Variants in EFNA5 observed in about 807,000 individuals in gnomAD.
EFNA5 encodes ephrin-A5.
EFNA5 carries 5 observed loss-of-function variants against 22.9 expected under a neutral mutation model. The observed-to-expected ratio is 0.22, with a 90% confidence interval of 0.11 to 0.46. The LOEUF (loss-of-function observed/expected upper bound fraction) is 0.46, where lower values mean the gene tolerates loss of function less well. Among genes scored for constraint, EFNA5 ranks in the 20% least tolerant of loss-of-function variants. The pLI is 0.99. For missense variants in EFNA5, 237 were observed against 293.3 expected (o/e 0.81, Z 1.40); for synonymous variants, 113 against 112.2 (o/e 1.01, Z -0.04).
At chr5:107,505,396 C>A (rs1335452760) in intron 1 of EFNA5, among the ~76,000 whole-genome samples, 2 of 152,156 alleles carry the variant, frequency 1.3e-5, no homozygotes, top group Non-Finnish European at 2.9e-5. Flanking sequence ...TACTGATTCT[C>A]CATGCAACAA....
Position 107,381,317 on chromosome 5 carries a change from T to C in EFNA5, c.625A>G (p.Arg209Gly). The change falls in exon 5 of 5, where the codon AGG (arginine) becomes GGG (glycine). Residue 209 changes from arginine (R) to glycine (G), a missense_variant. By Grantham distance (125) the Arg-to-Gly change is moderately radical. Around this residue, in one of 3 missense-constraint regions of EFNA5, gnomAD observed 104 missense variants for 114.5 expected, o/e 0.91. Coordinates refer to ENST00000333274, the MANE Select transcript of EFNA5 (RefSeq NM_001962.3). ...ATTGCCAAAAGGCGGCTGGGTATCC[T>C]TGGTGTTTGTGCCGCGTTCTCGCCG... Reference protein sequence around the residue: ...SRGENAAQTPRIPSRLLAILL... With the variant: ...SRGENAAQTPGIPSRLLAILL... The C allele has an allele frequency of 1.2e-6, 2 of 1,614,082 alleles. No individual in the cohort carries two copies. Among genetic ancestry groups the C allele is most frequent in the Non-Finnish European group, 8.5e-7 (1 of 1,179,956 alleles).
At chr5:107,464,324 G>A (rs529976533) in intron 1 of EFNA5, among the ~76,000 whole-genome samples, 26 of 152,152 alleles carry the variant, frequency 1.7e-4, no homozygotes, top group African/African-American at 6.0e-4. Context: ...CAGGCCCAGG[G>A]ATACCTTCTG....
chr5:107,502,169 A>T (rs1189813683), intron 1 of EFNA5, among the ~76,000 whole-genome samples: 1 of 152,204 alleles, frequency 6.6e-6, no homozygotes, highest in East Asian at 1.9e-4. Flanking sequence ...GTTTTCAGGC[A>T]CACTGGCCAT....
rs536703191 is a variant in EFNA5 at position 107,653,904 on chromosome 5, GAATGGT to G, written c.125+16579_125+16584del. Among the ~76,000 whole-genome samples the G allele has an allele frequency of 2.8e-4, 42 of 152,200 alleles. 1 individual carries two copies. In the East Asian group the frequency reaches 7.9e-3, roughly 29 times the overall value. On this transcript the variant is annotated intron_variant, in intron 1 of 4. Transcript: ENST00000333274. ...TGCCAATGTTTGCCTACTCTGCCCAGAATGGTAATGCAAGAGCTCTAGGTGAAGTTA... is the reference window on the plus strand; with the variant it reads ...TGCCAATGTTTGCCTACTCTGCCCAGAATGCAAGAGCTCTAGGTGAAGTTA...
At chr5:107,538,106 T>C (rs1278506200) in intron 1 of EFNA5, among the ~76,000 whole-genome samples, 2 of 152,192 alleles carry the variant, frequency 1.3e-5, no homozygotes, top group South Asian at 4.1e-4. Flanking sequence ...CGATGTATAA[T>C]GTGTCTTGTT....
chr5:107,599,800 T>C (rs941584969), intron 1 of EFNA5, among the ~76,000 whole-genome samples: 11 of 152,212 alleles, frequency 7.2e-5, no homozygotes, highest in African/African-American at 2.7e-4. Flanking sequence ...TGTAGTGCCA[T>C]TGCTAGGAAG....
At chr5:107,564,631 G>GTTTTGTT (rs1748624009) in intron 1 of EFNA5, among the ~76,000 whole-genome samples, 1 of 115,036 alleles carries the variant, frequency 8.7e-6, no homozygotes. Context: ...TTGGGTTTTT[G>GTTTTGTT]TTTTTTTTTT....
chr5:107,660,945 T>C (rs2112560568), intron 1 of EFNA5, among the ~76,000 whole-genome samples: 1 of 152,068 alleles, frequency 6.6e-6, no homozygotes, highest in East Asian at 1.9e-4. Context: ...GAAATAGGCG[T>C]AAAAGTTTAT....
chr5:107,528,847 C>G (rs1379390915), intron 1 of EFNA5, among the ~76,000 whole-genome samples: 2 of 152,056 alleles, frequency 1.3e-5, no homozygotes, highest in East Asian at 3.8e-4. Context: ...ATAATATGTT[C>G]TAGGCCTTTC....
chr5:107,662,790 TAA>T (rs5870277), intron 1 of EFNA5, among the ~76,000 whole-genome samples: 4 of 133,384 alleles, frequency 3.0e-5, no homozygotes, highest in Admixed American at 1.5e-4. Context: ...CTTGAGTAAT[TAA>T]AAAAAAAAAA....
At chr5:107,461,750 A>G (rs757330046) in intron 1 of EFNA5, among the ~76,000 whole-genome samples, 1 of 152,178 alleles carries the variant, frequency 6.6e-6, no homozygotes, top group Non-Finnish European at 1.5e-5. Context: ...CAATAACTTG[A>G]TTAACCTATT....
intron 2 of EFNA5, among the ~76,000 whole-genome samples, chr5:107,421,803 T>TG (rs1748676009): frequency 6.6e-6 from 1 of 151,934 alleles, no homozygotes; most frequent in Non-Finnish European, 1.5e-5. Context: ...TTTCTTTTTT[T>TG]TTTTTTAGAC....
chr5:107,492,458 T>C (rs1052172134), intron 1 of EFNA5, among the ~76,000 whole-genome samples: 1 of 152,214 alleles, frequency 6.6e-6, no homozygotes, highest in African/African-American at 2.4e-5. Context: ...AAGGAAAGCA[T>C]GTTATTTTTC....
At position 107,591,847 on chromosome 5, in the gene EFNA5, TATATATAATATAA is replaced by T. The variant is rs1561442772; in HGVS notation, c.125+78629_125+78641del. On this transcript the variant is annotated intron_variant, in intron 1 of 4. Coordinates refer to ENST00000333274, the MANE Select transcript of EFNA5 (RefSeq NM_001962.3). ...AAAAAATATATATATATATATAAAATATATATAATATAAAAAATATATATATAATATATAATAT... is the reference window on the plus strand; with the variant it reads ...AAAAAATATATATATATATATAAAATAAAATATATATATAATATATAATAT... Among the ~76,000 whole-genome samples, 178 of 79,888 alleles carry T rather than the reference TATATATAATATAA, an allele frequency of 2.2e-3. 16 individuals are homozygous for T. Among genetic ancestry groups the T allele is most frequent in the Non-Finnish European group, 3.5e-3 (149 of 42,086 alleles). 52.4% of individuals were successfully genotyped at this position (79,888 alleles called of 152,430 possible). A position where few individuals can be genotyped will look rare whatever the true frequency, so the allele number is the denominator to read the frequency against.
intron 2 of EFNA5, among the ~76,000 whole-genome samples, chr5:107,409,223 T>A (rs552014939): frequency 3.1e-4 from 47 of 152,310 alleles, no homozygotes; most frequent in African/African-American, 9.6e-4. Flanking sequence ...CGTCTTTGGA[T>A]CACCAGCGCT....
chr5:107,594,759 G>C (rs1288603594), intron 1 of EFNA5, among the ~76,000 whole-genome samples: 1 of 152,114 alleles, frequency 6.6e-6, no homozygotes, highest in Non-Finnish European at 1.5e-5. Flanking sequence ...TGGGGAAATG[G>C]GAGCCCCCTG....
intron 2 of EFNA5, among the ~76,000 whole-genome samples, chr5:107,420,411 A>T (rs1748621955): frequency 6.6e-6 from 1 of 151,912 alleles, no homozygotes; most frequent in Non-Finnish European, 1.5e-5. Context: ...TTTACAGATG[A>T]AGGAATTGAA....
intron 2 of EFNA5, among the ~76,000 whole-genome samples, chr5:107,411,624 C>G (rs1415965017): frequency 2.0e-5 from 3 of 152,202 alleles, no homozygotes; most frequent in Non-Finnish European, 4.4e-5. Context: ...TAACCAAACT[C>G]TGGAAGGAAA....
chr5:107,639,991 A>G (rs1750469187), intron 1 of EFNA5, among the ~76,000 whole-genome samples: 1 of 152,218 alleles, frequency 6.6e-6, no homozygotes, highest in African/African-American at 2.4e-5. Flanking sequence ...ACTGAAAACA[A>G]TATAGGTGTC....
Sources: gnomAD v4.1 joint callset for allele counts (sites outside exome capture counted in the v4.1 genomes callset) on GRCh38, gnomAD v4.1.1 for gene constraint, gnomAD v4.1.1 regional missense constraint, MANE v1.5 for transcripts, NCBI Gene and HGNC (gene_info 2026-07-23, HGNC 2026-07-21) for gene names.